Variants in CUL9 observed in about 807,000 individuals in gnomAD.
CUL9 encodes cullin-9.
Under a neutral mutation model 272.6 loss-of-function variants are expected in CUL9, and 79 were observed. The observed-to-expected ratio is 0.29, with a 90% confidence interval of 0.24 to 0.35. CUL9 has a LOEUF of 0.35. CUL9 is among the 10% of genes least tolerant of loss of function. The probability of loss-of-function intolerance (pLI) is 1.00; values close to 1 mark genes in which losing one functional copy is unlikely to be tolerated. For missense variants in CUL9, 2,532 were observed against 3,255.6 expected, an observed-to-expected ratio of 0.78 and a Z score of 5.41; for synonymous variants, 1,186 against 1,286.5, an observed-to-expected ratio of 0.92 and a Z score of 1.67.
chr6:43,205,888 A>G, intron 24 of CUL9, 119 bp from the exon 25 acceptor site: 3 of 774,734 alleles, frequency 3.9e-6, no homozygotes, highest in African/African-American at 1.7e-5. Flanking sequence ...GTGGGAAAGA[A>G]GAGGTGAGGT....
Position 43,213,952 on chromosome 6 carries a change from A to G in CUL9, c.5688+40A>G. 1 of 1,603,504 alleles carries G rather than the reference A, an allele frequency of 6.2e-7. No homozygotes were observed. The highest frequency in any genetic ancestry group is 8.5e-7 in the Non-Finnish European group (1 of 1,170,996). ...GACCATGAAGTTGGCGGAGGGAGGG[A>G]GTCATGCTTGGGATTGGGGATGAAC... is the stretch of plus-strand genomic sequence containing the variant. On this transcript the variant is annotated intron_variant, in intron 29 of 40. Coordinates refer to ENST00000252050, the MANE Select transcript of CUL9 (RefSeq NM_015089.4). The surrounding 1 kb of genome is among the most constrained non-coding windows in gnomAD (Gnocchi z 5.7).
intron 35 of CUL9, chr6:43,222,015 G>C (rs1776407935): frequency 1.7e-6 from 1 of 594,604 alleles, no homozygotes; most frequent in Non-Finnish European, 3.0e-6. Flanking sequence ...AGAAAGGCTG[G>C]GGAGGGCTGG....
At chr6:43,204,131 C>A in intron 20 of CUL9, 144 bp downstream of exon 20, 1 of 1,143,580 alleles carries the variant, frequency 8.7e-7, no homozygotes, top group Non-Finnish European at 1.2e-6. Context: ...CCTTCCTGCC[C>A]CAGGCACTGC....
At position 43,204,784 on chromosome 6, in the gene CUL9, C is replaced by T. The variant is rs372796039; in HGVS notation, c.4376C>T (p.Ala1459Val). Residue 1459 changes from alanine (A) to valine (V), a missense_variant, in exon 22 of 41, where the codon GCG (alanine) becomes GTG (valine). Physicochemically the swap from Ala to Val is moderately conservative, Grantham distance 64. Around this residue, in one of 3 missense-constraint regions of CUL9, gnomAD observed 2,218 missense variants for 2,788.6 expected, o/e 0.80. Transcript: ENST00000252050. The stretch of plus-strand genomic sequence containing the variant: ...AGCAAGGGTCGGGACCGGAGCCCGG[C>T]GCCTTCGCCAGTGCTTCCAAGCAGC... The part of the protein sequence containing the change: ...KNSKGRDRSP[A>V]PSPVLPSSSL... 13 of 1,614,112 alleles carry T rather than the reference C, an allele frequency of 8.1e-6. No homozygotes were observed. The South Asian group carries it at 8.8e-5, about 11-fold the overall frequency.
Position 43,220,365 on chromosome 6 carries a change from A to G in CUL9, c.6283-94A>G, listed in dbSNP as rs1582433276. 7.1e-7 allele frequency: 1 copy of G among 1,410,168 alleles called. No individual in the cohort carries two copies. The allele number at this position is 1,410,168 out of a possible 1,614,324, so 87.4% of individuals were successfully genotyped here. On this transcript the variant is annotated intron_variant, in intron 31 of 40. Coordinates refer to ENST00000252050, the MANE Select transcript of CUL9 (RefSeq NM_015089.4). The surrounding 1 kb of genome is among the most constrained non-coding windows in gnomAD (Gnocchi z 4.9). ...GGCCTTCCACGTTGTAGTGGAGGGG[A>G]AGGGAAGGAGGGACGCTAGCTTAGT...
At position 43,200,757 on chromosome 6, in the gene CUL9, C is replaced by T. The variant is rs2150573306; in HGVS notation, c.3570C>T (p.Pro1190=). The part of the protein sequence containing the change: ...HRASKLTDHN[P]KTYWESNGST... The stretch of plus-strand genomic sequence containing the variant: ...CCAGCAAGCTGACGGACCACAACCC[C>T]AAGACCTACTGGGAGTCCAACGGCA... Residue 1190 remains proline, a synonymous_variant, in exon 16 of 41, where the codon CCC becomes CCT. Coordinates refer to ENST00000252050, the MANE Select transcript of CUL9 (RefSeq NM_015089.4). This position sits in a 1 kb window ranked among gnomAD's most constrained non-coding sequence, Gnocchi z 4.0. The T allele has an allele frequency of 6.2e-7, 1 of 1,614,254 alleles. No individual in the cohort carries two copies. The highest frequency in any genetic ancestry group is 8.5e-7 in the Non-Finnish European group (1 of 1,180,046).
At chr6:43,185,871 T>A in intron 3 of CUL9, 84 bp from the exon 4 acceptor site, 5 of 1,503,212 alleles carry the variant, frequency 3.3e-6, no homozygotes, top group Non-Finnish European at 4.4e-6. Flanking sequence ...CCTTTATATT[T>A]TTCTGTAGAG....
intron 8 of CUL9, among the ~76,000 whole-genome samples, chr6:43,191,481 A>AT (rs34090146): frequency 0.023 from 2,245 of 97,428 alleles, 124 homozygotes; most frequent in African/African-American, 0.088. Context: ...CACCCAGCTA[A>AT]TTTTTTTTTT....
Position 43,184,713 on chromosome 6 carries a change from A to G in CUL9, c.403A>G (p.Thr135Ala). Residue 135 changes from threonine (T) to alanine (A), a missense_variant, in exon 2 of 41, where the codon ACC becomes GCC. Physicochemically the swap from Thr to Ala is moderately conservative, Grantham distance 58. Transcript: ENST00000252050. This position sits in a 1 kb window ranked among gnomAD's most constrained non-coding sequence, Gnocchi z 4.8. ...RAARQLAESGTPSLTAAVLHT... is the reference protein window; with the variant it reads ...RAARQLAESGAPSLTAAVLHT... ...GGCCAGGCAGCTGGCAGAAAGTGGG[A>G]CCCCAAGCCTCACGGCCGCTGTGCT... 6.2e-7 allele frequency: 1 copy of G among 1,613,822 alleles called. No individual in the cohort carries two copies. The highest frequency in any genetic ancestry group is 8.5e-7 in the Non-Finnish European group (1 of 1,179,808).
At chr6:43,196,013 C>T (rs1773961029) in intron 9 of CUL9, 56 bp from the exon 10 acceptor site, 18 of 1,488,566 alleles carry the variant, frequency 1.2e-5, no homozygotes, top group South Asian at 6.2e-5. Flanking sequence ...TGAGGCCTAC[C>T]TTTCCTCATG....
Position 43,213,503 on chromosome 6 carries a change from C to G in CUL9, c.5424C>G (p.Leu1808=), listed in dbSNP as rs750104441. 1 of 1,614,026 alleles carries G rather than the reference C, an allele frequency of 6.2e-7. No individual in the cohort carries two copies. The part of the protein sequence containing the change: ...DLSPELLLQA[L]VPLTSGNGPL... Reference sequence around the variant, plus strand: ...CCCCAGAGCTGCTGCTCCAGGCACTCGTGCCCCTCACCTCAGGGAATGGCC... The same window carrying G: ...CCCCAGAGCTGCTGCTCCAGGCACTGGTGCCCCTCACCTCAGGGAATGGCC... The change falls in exon 28 of 41, where the codon CTC becomes CTG. Residue 1808 remains leucine, a synonymous_variant. Transcript: ENST00000252050. This position sits in a 1 kb window ranked among gnomAD's most constrained non-coding sequence, Gnocchi z 5.7.
In CUL9 at chr6:43,205,015, C is replaced by G. The variant is rs753928409; in HGVS notation, c.4532C>G (p.Ala1511Gly). 6 of 1,613,316 alleles carry G rather than the reference C, an allele frequency of 3.7e-6. No individual in the cohort carries two copies. In the African/African-American group the frequency reaches 6.7e-5, roughly 18 times the overall value. Residue 1511 changes from alanine (A) to glycine (G), a missense_variant, in exon 23 of 41, where the codon GCA (alanine) becomes GGA (glycine). Around this residue, in one of 3 missense-constraint regions of CUL9, gnomAD observed 2,218 missense variants for 2,788.6 expected, o/e 0.80. Transcript: ENST00000252050. ...AAACTCTATGAGCACTTGCAGAGAG[C>G]AGGCTCCGAGCTGTTTGGGCCTCGG... ...YCKLYEHLQR[A>G]GSELFGPRAA...
chr6:43,195,694 G>A (rs1421219122), intron 9 of CUL9, among the ~76,000 whole-genome samples: 1 of 152,150 alleles, frequency 6.6e-6, no homozygotes, highest in East Asian at 1.9e-4. Flanking sequence ...ACTGTAAGAA[G>A]CCCCTGAAGA....
chr6:43,217,719 T>C (rs1289948337), intron 31 of CUL9, among the ~76,000 whole-genome samples: 1 of 152,250 alleles, frequency 6.6e-6, no homozygotes, highest in African/African-American at 2.4e-5. Context: ...TTGCTTATGC[T>C]CCCTTTTCCC....
At chr6:43,182,956 A>G (rs986768229) in intron 1 of CUL9, among the ~76,000 whole-genome samples, 10 of 152,210 alleles carry the variant, frequency 6.6e-5, no homozygotes, top group African/African-American at 2.4e-4. Context: ...AAGAATAATA[A>G]CAGATTATGT....
chr6:43,188,293 C>T (rs1265429359), intron 7 of CUL9, 175 bp downstream of exon 7: 6 of 847,902 alleles, frequency 7.1e-6, no homozygotes, highest in Non-Finnish European at 1.1e-5. Flanking sequence ...TTTAATTAAC[C>T]AGCGCTCCCT....
chr6:43,190,620 G>A (rs1319406742), intron 8 of CUL9, among the ~76,000 whole-genome samples: 1 of 152,104 alleles, frequency 6.6e-6, no homozygotes, highest in African/African-American at 2.4e-5. Flanking sequence ...TATTTCTCTA[G>A]TCATATGTAT....
chr6:43,194,616 G>C (rs1403033904), intron 9 of CUL9, among the ~76,000 whole-genome samples: 1 of 151,784 alleles, frequency 6.6e-6, no homozygotes, highest in Non-Finnish European at 1.5e-5. Flanking sequence ...ATCACACCCA[G>C]CCTGGGAGGT....
chr6:43,210,851 C>T (rs1400281563), intron 26 of CUL9, among the ~76,000 whole-genome samples: 1 of 152,038 alleles, frequency 6.6e-6, no homozygotes, highest in African/African-American at 2.4e-5. Context: ...ATAAATTTAA[C>T]ACCTATATAC....
Sources: gnomAD v4.1 joint callset for allele counts (sites outside exome capture counted in the v4.1 genomes callset) on GRCh38, gnomAD v4.1.1 for gene constraint, gnomAD v4.1.1 regional missense constraint, Gnocchi (gnomAD v3.1) non-coding constraint, MANE v1.5 for transcripts, NCBI Gene and HGNC (gene_info 2026-07-23, HGNC 2026-07-21) for gene names.